Variants in SEMA3E observed in about 807,000 individuals in gnomAD.
SEMA3E encodes the protein semaphorin 3E, also known as semaphorin-3E.
In SEMA3E, 49 loss-of-function variants were observed where a neutral mutation model predicts 93.6. The observed-to-expected ratio is 0.52, with a 90% CI of 0.42 to 0.66. The LOEUF is 0.66. Ranked by LOEUF, SEMA3E falls within the 30% of genes least tolerant of loss-of-function variation. The pLI is 0.00. For missense variants in SEMA3E, 906 were observed against 964.8 expected, an observed-to-expected ratio of 0.94 and a Z score of 0.81; for synonymous variants, 363 against 330.7, an observed-to-expected ratio of 1.10 and a Z score of -1.06.
At position 83,363,860 on chromosome 7, in the gene SEMA3E, A is replaced by ATTTTTTTTTTTT. The variant is rs56867715; in HGVS notation, c.*3714_*3725dup. Reference sequence around the variant, plus strand: ...GGCTACAGGTGTCACAGGTCAATTCATTTTTTTTTTTTTTTTTTTTTTTTT... The same window carrying ATTTTTTTTTTTT: ...GGCTACAGGTGTCACAGGTCAATTCATTTTTTTTTTTTTTTTTTTTTTTTTTTTTTTTTTTTT... On this transcript the variant is annotated 3_prime_UTR_variant, in exon 17 of 17. Coordinates refer to ENST00000643230, the MANE Select transcript of SEMA3E (RefSeq NM_012431.3). The ATTTTTTTTTTTT allele has an allele frequency of 1.3e-5, 1 of 76,922 alleles. No individual in the cohort carries two copies. The highest frequency in any genetic ancestry group is 5.0e-5 in the African/African-American group (1 of 20,066). The allele number at this position is 76,922 out of a possible 1,614,324, so 4.8% of individuals were successfully genotyped here.
chr7:83,580,755 C>T (rs928452219), intron 1 of SEMA3E, among the ~76,000 whole-genome samples: 1 of 151,950 alleles, frequency 6.6e-6, no homozygotes, highest in Non-Finnish European at 1.5e-5. Flanking sequence ...ATATAACCCT[C>T]TCCTATTTGC....
In SEMA3E at chr7:83,648,359, A is replaced by G. The variant is rs573628789; in HGVS notation, c.115+69T>C. On this transcript the variant is annotated intron_variant, in intron 1 of 16. Transcript: ENST00000643230. ...CATAAGCCTATGTTAATGTTAAACG[A>G]CTTTTTTTTTCTTTTTTCTTTTTCT... is the stretch of plus-strand genomic sequence containing the variant. 6 of 1,212,020 alleles carry G rather than the reference A, an allele frequency of 5.0e-6. No individual in the cohort carries two copies. The African/African-American group carries it at 9.3e-5, about 19-fold the overall frequency. 75.1% of individuals were successfully genotyped at this position (1,212,020 alleles called of 1,614,324 possible).
intron 1 of SEMA3E, among the ~76,000 whole-genome samples, chr7:83,541,974 T>C (rs1347878052): frequency 6.6e-6 from 1 of 152,096 alleles, no homozygotes; most frequent in Non-Finnish European, 1.5e-5. Flanking sequence ...TGACATAATG[T>C]TGCTTGGTGC....
At chr7:83,492,655 T>G (rs1790409840) in intron 1 of SEMA3E, among the ~76,000 whole-genome samples, 1 of 151,904 alleles carries the variant, frequency 6.6e-6, no homozygotes, top group Non-Finnish European at 1.5e-5. Context: ...AGAACGGAAG[T>G]GTGCATACAA....
At chr7:83,481,952 C>G (rs188964841) in intron 2 of SEMA3E, among the ~76,000 whole-genome samples, 2 of 152,280 alleles carry the variant, frequency 1.3e-5, no homozygotes, top group Non-Finnish European at 2.9e-5. Flanking sequence ...AATACCCCAG[C>G]ATTTCACAAC....
chr7:83,511,285 G>GTT (rs5885362), intron 1 of SEMA3E, among the ~76,000 whole-genome samples: 2,765 of 143,806 alleles, frequency 0.019, 45 homozygotes, highest in African/African-American at 0.049. Context: ...TCTTAAATAT[G>GTT]TTTTTTTTTT....
chr7:83,412,257 T>G (rs915055277), intron 5 of SEMA3E, among the ~76,000 whole-genome samples: 1 of 152,152 alleles, frequency 6.6e-6, no homozygotes, highest in Non-Finnish European at 1.5e-5. Context: ...CTGGTACCTA[T>G]TTCTATCCTA....
chr7:83,396,490 A>C (rs1788124384), intron 12 of SEMA3E, 148 bp downstream of exon 12: 1 of 587,394 alleles, frequency 1.7e-6, no homozygotes, highest in Non-Finnish European at 3.1e-6. Flanking sequence ...CAGATGCATT[A>C]GAATTTGAAA....
chr7:83,467,495 T>A (rs1474835132), intron 3 of SEMA3E, among the ~76,000 whole-genome samples: 4 of 152,210 alleles, frequency 2.6e-5, no homozygotes, highest in Non-Finnish European at 5.9e-5. Flanking sequence ...ATAAGATTAC[T>A]ATATTGCTGT....
chr7:83,478,261 A>G (rs1790063884), intron 2 of SEMA3E, among the ~76,000 whole-genome samples: 1 of 152,192 alleles, frequency 6.6e-6, no homozygotes, highest in South Asian at 2.1e-4. Context: ...GAATAATTTT[A>G]GAAAAACAAG....
intron 16 of SEMA3E, among the ~76,000 whole-genome samples, chr7:83,370,082 C>A (rs565874580): frequency 1.3e-5 from 2 of 152,228 alleles, no homozygotes; most frequent in African/African-American, 4.8e-5. Flanking sequence ...GTGCAATCCT[C>A]CATCCTTCAC....
intron 1 of SEMA3E, among the ~76,000 whole-genome samples, chr7:83,629,994 C>T (rs1216436108): frequency 2.0e-5 from 3 of 152,300 alleles, no homozygotes; most frequent in Admixed American, 1.3e-4. Flanking sequence ...GCCTGAGCTC[C>T]ATCCCTCACA....
At chr7:83,635,502 A>C (rs1793863554) in intron 1 of SEMA3E, among the ~76,000 whole-genome samples, 1 of 151,832 alleles carries the variant, frequency 6.6e-6, no homozygotes, top group African/African-American at 2.4e-5. Flanking sequence ...ATTTCTATTT[A>C]TGCCCATTAG....
At chr7:83,475,920 C>A (rs1357959517) in intron 2 of SEMA3E, among the ~76,000 whole-genome samples, 2 of 152,082 alleles carry the variant, frequency 1.3e-5, no homozygotes, top group Non-Finnish European at 2.9e-5. Context: ...GGTGCATTTC[C>A]CAAAGAGTTT....
intron 1 of SEMA3E, among the ~76,000 whole-genome samples, chr7:83,584,224 A>G (rs1414748905): frequency 2.6e-5 from 4 of 152,144 alleles, no homozygotes; most frequent in African/African-American, 4.8e-5. Flanking sequence ...TCTCACAGCT[A>G]TAATAATAAA....
chr7:83,601,781 G>C (rs1416098249), intron 1 of SEMA3E, among the ~76,000 whole-genome samples: 1 of 152,122 alleles, frequency 6.6e-6, no homozygotes, highest in East Asian at 1.9e-4. Flanking sequence ...GTACTGTCAG[G>C]TCCTGATGCT....
chr7:83,648,709 T>C lies in SEMA3E; in HGVS notation c.-167A>G. The C allele has an allele frequency of 1.5e-6, 1 of 685,226 alleles. No individual in the cohort carries two copies. Among genetic ancestry groups the C allele is most frequent in the Non-Finnish European group, 2.7e-6 (1 of 372,842 alleles). The allele number at this position is 685,226 out of a possible 1,614,324, so 42.4% of individuals were successfully genotyped here. A position where few individuals can be genotyped will look rare whatever the true frequency, so the allele number is the denominator to read the frequency against. ...TGCCATTTGTCAGGCTGTATTTGGC[T>C]ATGTAAAACCTTTCTTTCCTCGGGA... On this transcript the variant is annotated 5_prime_UTR_variant, in exon 1 of 17. In the 5' UTR this introduces an upstream ATG that the reference lacks. Transcript: ENST00000643230.
At chr7:83,417,549 C>A (rs1325507937) in intron 5 of SEMA3E, among the ~76,000 whole-genome samples, 1 of 152,070 alleles carries the variant, frequency 6.6e-6, no homozygotes, top group Non-Finnish European at 1.5e-5. Flanking sequence ...AATAATGCAA[C>A]CTTGCACATC....
rs963545974 is a variant in SEMA3E at position 83,648,485 on chromosome 7, A to G, written c.58T>C (p.Trp20Arg). The stretch of plus-strand genomic sequence containing the variant: ...GTATCAGCTGTATGACCTCCTGTCC[A>G]AAGCTCCAGTAAGTAACCCCACAGG... ...LLLWGYLLEL[W>R]TGGHTADTTH... The change falls in exon 1 of 17, where the codon TGG becomes CGG. Residue 20 changes from tryptophan (W) to arginine (R), a missense_variant. Coordinates refer to ENST00000643230, the MANE Select transcript of SEMA3E (RefSeq NM_012431.3). 17 of 1,613,216 alleles carry G rather than the reference A, an allele frequency of 1.1e-5. No homozygotes were observed. Among genetic ancestry groups the G allele is most frequent in the Non-Finnish European group, 1.4e-5 (16 of 1,179,860 alleles).
Sources: gnomAD v4.1 joint callset for allele counts (sites outside exome capture counted in the v4.1 genomes callset) on GRCh38, gnomAD v4.1.1 for gene constraint, MANE v1.5 for transcripts, NCBI Gene and HGNC (gene_info 2026-07-23, HGNC 2026-07-21) for gene names.